MBD5: variants seen among roughly 807,000 people sequenced by gnomAD.
MBD5 encodes methyl-CpG-binding domain protein 5.
A neutral mutation model predicts 117.3 loss-of-function variants in MBD5; 13 were observed. That is an observed-to-expected ratio of 0.11 (90% CI 0.07 to 0.18). The LOEUF is 0.18. Ranked by LOEUF, MBD5 falls within the 10% of genes least tolerant of loss-of-function variation. MBD5 has a pLI of 1.00. For synonymous variants in MBD5, 727 were observed against 766.4 expected (o/e 0.95, Z 0.85); for missense variants, 1,879 against 2,093.8 (o/e 0.90, Z 2.00).
chr2:148,056,183 A>T (rs982652783), intron 1 of MBD5: 3 of 151,552 alleles, frequency 2.0e-5, no homozygotes, highest in African/African-American at 4.8e-5. Flanking sequence ...TCTTTTGTAC[A>T]TTTTTTTATA....
chr2:148,113,850 A>G (rs1050047265), intron 1 of MBD5, among the ~76,000 whole-genome samples: 1 of 152,310 alleles, frequency 6.6e-6, no homozygotes, highest in Admixed American at 6.5e-5. Context: ...AATCACATGC[A>G]GAGATAATCA....
intron 1 of MBD5, among the ~76,000 whole-genome samples, chr2:148,124,420 T>A (rs552745430): frequency 6.6e-6 from 1 of 151,940 alleles, no homozygotes; most frequent in East Asian, 1.9e-4. Context: ...CTACAAAAAA[T>A]CTAAAAAGTT....
intron 2 of MBD5, among the ~76,000 whole-genome samples, chr2:148,179,602 A>C (rs1479138837): frequency 6.6e-6 from 1 of 152,164 alleles, no homozygotes; most frequent in African/African-American, 2.4e-5. Flanking sequence ...TGGCTCCCCC[A>C]AAATTTCTCT....
At chr2:148,370,357 C>T (rs2105360911) in intron 4 of MBD5, among the ~76,000 whole-genome samples, 1 of 152,038 alleles carries the variant, frequency 6.6e-6, no homozygotes, top group African/African-American at 2.4e-5. Context: ...GTCTGTATTC[C>T]CAGAAATGTA....
At chr2:148,078,648 T>C (rs2105138781) in intron 1 of MBD5, among the ~76,000 whole-genome samples, 1 of 152,320 alleles carries the variant, frequency 6.6e-6, no homozygotes, top group African/African-American at 2.4e-5. Flanking sequence ...TGACTGCTCT[T>C]TCTACAGTAG....
rs1355698640 is a variant in MBD5 at position 148,021,578 on chromosome 2, C to T, written c.-1031C>T. ...CCCAGGAGCAGCCACTTCCCCAGCT[C>T]TCCTCCTCCTCCTTCGCCTCCTCCT... is the stretch of plus-strand genomic sequence containing the variant. On this transcript the variant is annotated 5_prime_UTR_variant, in exon 1 of 14. Transcript: ENST00000642680. The T allele has an allele frequency of 4.0e-6, 2 of 497,790 alleles. No homozygotes were observed. Among genetic ancestry groups the T allele is most frequent in the Non-Finnish European group, 7.8e-6 (2 of 255,144 alleles). The allele number at this position is 497,790 out of a possible 1,614,324, so 30.8% of individuals were successfully genotyped here. A position where few individuals can be genotyped will look rare whatever the true frequency, so the allele number is the denominator to read the frequency against.
At chr2:148,477,293 G>A (rs757466834) in intron 8 of MBD5, among the ~76,000 whole-genome samples, 3 of 152,038 alleles carry the variant, frequency 2.0e-5, no homozygotes, top group East Asian at 1.9e-4. Context: ...GTTGAGTGTG[G>A]AGAGCATTTC....
intron 5 of MBD5, chr2:148,460,307 A>G (rs112254579): frequency 1.8e-4 from 27 of 152,252 alleles, no homozygotes; most frequent in African/African-American, 6.5e-4. Context: ...ACTGTCAGGT[A>G]TCTTGTTCAT....
intron 4 of MBD5, among the ~76,000 whole-genome samples, chr2:148,400,822 A>G (rs1704896838): frequency 6.6e-6 from 1 of 151,982 alleles, no homozygotes; most frequent in Admixed American, 6.6e-5. Context: ...ATTTAAGGTG[A>G]TTTTTTACCC....
intron 1 of MBD5, among the ~76,000 whole-genome samples, chr2:148,152,649 A>G (rs886670404): frequency 1.3e-5 from 2 of 152,090 alleles, no homozygotes; most frequent in African/African-American, 2.4e-5. Context: ...TATATTTAGG[A>G]TAGTTAGCTC....
At chr2:148,054,339 T>C (rs1694800404) in intron 1 of MBD5, 1 of 152,272 alleles carries the variant, frequency 6.6e-6, no homozygotes, top group Non-Finnish European at 1.5e-5. Context: ...TTATTTGATT[T>C]AAATGAAATT....
intron 1 of MBD5, among the ~76,000 whole-genome samples, chr2:148,141,060 C>A (rs1469459114): frequency 2.6e-5 from 4 of 152,124 alleles, no homozygotes; most frequent in African/African-American, 4.8e-5. Context: ...GTGTCAGGCA[C>A]CGCGCCCAGC....
At chr2:148,204,169 C>T (rs774858562) in intron 2 of MBD5, among the ~76,000 whole-genome samples, 23 of 151,800 alleles carry the variant, frequency 1.5e-4, no homozygotes, top group Non-Finnish European at 3.1e-4. Flanking sequence ...CATCATGAAA[C>T]AATAGTAGAA....
chr2:148,288,223 A>C, intron 3 of MBD5, among the ~76,000 whole-genome samples: 1 of 122,264 alleles, frequency 8.2e-6, no homozygotes, highest in Non-Finnish European at 1.8e-5. Context: ...AAACGGTGAA[A>C]CCCCGTCTCT....
intron 10 of MBD5, among the ~76,000 whole-genome samples, chr2:148,487,305 C>A (rs1340550613): frequency 6.6e-6 from 1 of 151,874 alleles, no homozygotes; most frequent in Admixed American, 6.6e-5. Context: ...GGTGTGGGAT[C>A]CAGAATCTAG....
chr2:148,302,664 T>C (rs1435871240), intron 3 of MBD5, among the ~76,000 whole-genome samples: 1 of 152,098 alleles, frequency 6.6e-6, no homozygotes, highest in Non-Finnish European at 1.5e-5. Flanking sequence ...AGACACGGTC[T>C]TACTCTGTCA....
rs893880836 is a variant in MBD5 at position 148,490,830 on chromosome 2, G to T, written c.4962+236G>T. 17 of 543,818 alleles carry T rather than the reference G, an allele frequency of 3.1e-5. No individual in the cohort carries two copies. The East Asian group carries it at 5.3e-4, about 17-fold the overall frequency. The allele number at this position is 543,818 out of a possible 1,614,324, so 33.7% of individuals were successfully genotyped here. ...TATAGATCACACTAGGGCTCAGGGT[G>T]GCTGTAAGCCAGGAACCAGATTTCC... is the stretch of plus-strand genomic sequence containing the variant. On this transcript the variant is annotated intron_variant, in intron 11 of 13. Transcript: ENST00000642680.
chr2:148,372,297 C>T (rs1703876166), intron 4 of MBD5, among the ~76,000 whole-genome samples: 2 of 152,102 alleles, frequency 1.3e-5, no homozygotes, highest in East Asian at 3.9e-4. Context: ...TTATCATCTA[C>T]ATTAGAGATC....
intron 1 of MBD5, among the ~76,000 whole-genome samples, chr2:148,152,201 A>G (rs1697695131): frequency 6.6e-6 from 1 of 152,108 alleles, no homozygotes; most frequent in Admixed American, 6.6e-5. Context: ...TTATGTACCC[A>G]GTAGTCATTC....
Sources: gnomAD v4.1 joint callset for allele counts (sites outside exome capture counted in the v4.1 genomes callset) on GRCh38, gnomAD v4.1.1 for gene constraint, MANE v1.5 for transcripts, NCBI Gene and HGNC (gene_info 2026-07-23, HGNC 2026-07-21) for gene names.